The following UBL3 variants were observed in gnomAD, a reference collection of about 807,000 sequenced individuals.
UBL3 encodes the protein ubiquitin like 3.
Under a neutral mutation model 18.4 loss-of-function variants are expected in UBL3, and 6 were observed. The observed-to-expected ratio is 0.33, with a 90% CI of 0.18 to 0.64. The LOEUF (loss-of-function observed/expected upper bound fraction) is 0.64. UBL3 is among the 30% of genes least tolerant of loss of function. UBL3 has a pLI of 0.76. For synonymous variants in UBL3, 49 were observed against 46.6 expected (o/e 1.05, Z -0.21); for missense variants, 109 against 142.9 (o/e 0.76, Z 1.21).
At position 29,817,455 on chromosome 13, in the gene UBL3, G is replaced by C. The variant is rs550714122; in HGVS notation, c.27+32057C>G. ...AGTCCCTGCTCTACTTGGTAGGGGAGGGGTACAGGGTTATGATGATAAAGC... is the reference window on the plus strand; with the variant it reads ...AGTCCCTGCTCTACTTGGTAGGGGACGGGTACAGGGTTATGATGATAAAGC... On this transcript the variant is annotated intron_variant, in intron 1 of 4. Coordinates refer to ENST00000380680, the MANE Select transcript of UBL3 (RefSeq NM_007106.4). Among the ~76,000 whole-genome samples, 3 of 152,254 alleles carry C rather than the reference G, an allele frequency of 2.0e-5. No individual in the cohort carries two copies. In the South Asian group the frequency reaches 6.2e-4, roughly 32 times the overall value.
At chr13:29,846,060 G>A (rs1268604676) in intron 1 of UBL3, among the ~76,000 whole-genome samples, 1 of 151,914 alleles carries the variant, frequency 6.6e-6, no homozygotes, top group Non-Finnish European at 1.5e-5. Context: ...TACTAACACA[G>A]GCAGTAAATA....
chr13:29,772,044 C>T, intron 3 of UBL3, 68 bp downstream of exon 3: 1 of 1,358,308 alleles, frequency 7.4e-7, no homozygotes. Context: ...AAGACATTAA[C>T]ATTTAAAACA....
rs573790670 is a variant in UBL3, at chr13:29,807,247, G to A, written c.28-29984C>T. Among the ~76,000 whole-genome samples, 8 of 152,246 alleles carry A rather than the reference G, an allele frequency of 5.3e-5. No homozygotes were observed. In the East Asian group the frequency reaches 1.5e-3, roughly 29 times the overall value. ...TCTTGCTACTTCTTGTATGGGAAACGAAGGTTAAACTGTAAGTCAGGAACC... is the reference window on the plus strand; with the variant it reads ...TCTTGCTACTTCTTGTATGGGAAACAAAGGTTAAACTGTAAGTCAGGAACC... On this transcript the variant is annotated intron_variant, in intron 1 of 4. Coordinates refer to ENST00000380680, the MANE Select transcript of UBL3 (RefSeq NM_007106.4).
intron 1 of UBL3, among the ~76,000 whole-genome samples, chr13:29,786,964 G>A (rs1157074486): frequency 6.6e-6 from 1 of 152,142 alleles, no homozygotes; most frequent in Non-Finnish European, 1.5e-5. Flanking sequence ...ATGTGAACTT[G>A]CAGAATATTT....
chr13:29,777,165 A>G lies in UBL3; in HGVS notation c.126T>C (p.Asn42=), dbSNP rs759494284. ...AAAAATATCACTCACCCATTGGCCA[A>G]TTGTCATATACATGCTTTGCAATGT... ...ASDIAKHVYD[N]WPMDWEEEQV... Residue 42 remains asparagine, a synonymous_variant, in exon 2 of 5, where the codon AAT becomes AAC. Transcript: ENST00000380680. 4 of 1,593,180 alleles carry G rather than the reference A, an allele frequency of 2.5e-6. No individual in the cohort carries two copies. The highest frequency in any genetic ancestry group is 2.7e-5 in the African/African-American group (2 of 74,436).
chr13:29,834,572 A>G lies in UBL3; in HGVS notation c.27+14940T>C, dbSNP rs9508566. ...AAACTTCCATTCAAATTTCAAATTT[A>G]TTTTCTGACATTTTGGCTTAATGAT... On this transcript the variant is annotated intron_variant, in intron 1 of 4. Transcript: ENST00000380680. Among the ~76,000 whole-genome samples the G allele has an allele frequency of 7.4e-3, 1,127 of 152,292 alleles. 9 individuals carry two copies. The highest frequency in any genetic ancestry group is 0.011 in the Non-Finnish European group (772 of 68,022).
At position 29,850,248 on chromosome 13, in the gene UBL3, A is replaced by G. The variant is rs1205699469; in HGVS notation, c.-710T>C. The G allele has an allele frequency of 1.3e-5, 2 of 153,154 alleles. No individual in the cohort carries two copies. Among genetic ancestry groups the G allele is most frequent in the Non-Finnish European group, 2.9e-5 (2 of 68,584 alleles). 9.5% of individuals were successfully genotyped at this position (153,154 alleles called of 1,614,324 possible). On this transcript the variant is annotated 5_prime_UTR_variant, in exon 1 of 5. Transcript: ENST00000380680. ...GCGGGGGTGCTCGGGGCCGGCCGGGACACTCCACAGCCCCTCTGGGCTCAG... is the reference window on the plus strand; with the variant it reads ...GCGGGGGTGCTCGGGGCCGGCCGGGGCACTCCACAGCCCCTCTGGGCTCAG...
At chr13:29,774,912 C>T (rs922716776) in intron 2 of UBL3, among the ~76,000 whole-genome samples, 1 of 152,080 alleles carries the variant, frequency 6.6e-6, no homozygotes, top group African/African-American at 2.4e-5. Flanking sequence ...TATGACTGTA[C>T]TGGTGCCAAG....
At chr13:29,835,065 C>A (rs1878881378) in intron 1 of UBL3, among the ~76,000 whole-genome samples, 2 of 123,578 alleles carry the variant, frequency 1.6e-5, no homozygotes, top group Admixed American at 9.4e-5. Flanking sequence ...CTGGTCATGG[C>A]AGCAAATAAA....
intron 3 of UBL3, 98 bp from the exon 4 acceptor site, chr13:29,767,793 T>C (rs1322843341): frequency 6.7e-6 from 7 of 1,046,824 alleles, no homozygotes; most frequent in Non-Finnish European, 9.7e-6. Flanking sequence ...TGCTTTTTTA[T>C]GACTTCTTTA....
intron 1 of UBL3, among the ~76,000 whole-genome samples, chr13:29,831,300 A>C (rs1334128262): frequency 1.3e-5 from 2 of 152,206 alleles, no homozygotes; most frequent in African/African-American, 4.8e-5. Flanking sequence ...TTTAAAAAAG[A>C]TAATTCTTGC....
At position 29,812,094 on chromosome 13, in the gene UBL3, C is replaced by T. The variant is rs559366669; in HGVS notation, c.28-34831G>A. Among the ~76,000 whole-genome samples, 18 of 152,144 alleles carry T rather than the reference C, an allele frequency of 1.2e-4. No individual in the cohort carries two copies. In the South Asian group the frequency reaches 3.7e-3, roughly 32 times the overall value. ...ATTTGTAAAAGGCCTAGCTTAATTCCTGTATCCTTCAAGAAGCCTCTCCAA... is the reference window on the plus strand; with the variant it reads ...ATTTGTAAAAGGCCTAGCTTAATTCTTGTATCCTTCAAGAAGCCTCTCCAA... On this transcript the variant is annotated intron_variant, in intron 1 of 4. Transcript: ENST00000380680.
chr13:29,768,749 T>C (rs1007229960), intron 3 of UBL3, among the ~76,000 whole-genome samples: 1 of 151,998 alleles, frequency 6.6e-6, no homozygotes, highest in Non-Finnish European at 1.5e-5. Context: ...GGCCCATAAA[T>C]ACATAATGAA....
At chr13:29,811,482 T>A (rs1442314213) in intron 1 of UBL3, among the ~76,000 whole-genome samples, 1 of 152,056 alleles carries the variant, frequency 6.6e-6, no homozygotes, top group Non-Finnish European at 1.5e-5. Flanking sequence ...AAGAGGTGTA[T>A]GGAAGACTGA....
chr13:29,774,254 G>A (rs954409059), intron 2 of UBL3, among the ~76,000 whole-genome samples: 5 of 151,978 alleles, frequency 3.3e-5, no homozygotes, highest in Non-Finnish European at 7.4e-5. Flanking sequence ...TAATATCTAA[G>A]TAAGTAATTA....
At chr13:29,785,686 A>C (rs1477003180) in intron 1 of UBL3, among the ~76,000 whole-genome samples, 2 of 152,250 alleles carry the variant, frequency 1.3e-5, no homozygotes, top group African/African-American at 4.8e-5. Context: ...AAAATATGGT[A>C]ATTACGTATT....
At chr13:29,846,092 G>A (rs1879221769) in intron 1 of UBL3, among the ~76,000 whole-genome samples, 1 of 152,022 alleles carries the variant, frequency 6.6e-6, no homozygotes, top group East Asian at 1.9e-4. Context: ...AAAACCTACA[G>A]TGGTTAACAT....
chr13:29,834,616 A>G (rs1878872176), intron 1 of UBL3, among the ~76,000 whole-genome samples: 1 of 152,212 alleles, frequency 6.6e-6, no homozygotes. Context: ...GTTAAAATTC[A>G]CATTTAAATT....
chr13:29,823,315 T>C (rs1878522938), intron 1 of UBL3, among the ~76,000 whole-genome samples: 2 of 152,196 alleles, frequency 1.3e-5, no homozygotes, highest in African/African-American at 4.8e-5. Flanking sequence ...GCTAATTTTG[T>C]ATTTTTAGAA....
Sources: gnomAD v4.1 joint callset for allele counts (sites outside exome capture counted in the v4.1 genomes callset) on GRCh38, gnomAD v4.1.1 for gene constraint, MANE v1.5 for transcripts, NCBI Gene and HGNC (gene_info 2026-07-23, HGNC 2026-07-21) for gene names.